The following DNAJB4 variants were observed in gnomAD, a reference collection of about 807,000 sequenced individuals.
DNAJB4 encodes the protein dnaJ homolog subfamily B member 4.
DNAJB4 carries 10 observed loss-of-function variants against 26.6 expected under a neutral mutation model. That is an observed-to-expected ratio of 0.38 (90% CI 0.23 to 0.64). The LOEUF is 0.64. Among genes scored for constraint, DNAJB4 ranks in the 30% least tolerant of loss-of-function variants. The pLI is 0.58. For synonymous variants in DNAJB4, 136 were observed against 134.8 expected (o/e 1.01, Z -0.06); for missense variants, 328 against 408.2 (o/e 0.80, Z 1.69).
In DNAJB4 at chr1:78,016,006, C is replaced by T; in HGVS notation, c.781-8C>T. 6.2e-7 allele frequency: 1 copy of T among 1,606,266 alleles called. No individual in the cohort carries two copies. The highest frequency in any genetic ancestry group is 8.5e-7 in the Non-Finnish European group (1 of 1,175,914). On this transcript the variant is annotated splice_polypyrimidine_tract_variant and splice_region_variant and intron_variant, in intron 2 of 2. Coordinates refer to ENST00000370763, the MANE Select transcript of DNAJB4 (RefSeq NM_007034.5). ...TGTTTTCATTTTATTTTATTTGGTC[C>T]ATTTTAGGCATTGTGTGGCTGCTCA...
chr1:77,987,437 A>T (rs1418295052), intron 1 of DNAJB4, among the ~76,000 whole-genome samples: 1 of 151,784 alleles, frequency 6.6e-6, no homozygotes, highest in Non-Finnish European at 1.5e-5. Context: ...CTAATTTTTA[A>T]ATTTTTTGTA....
At chr1:78,011,640 A>T (rs1307377006) in intron 1 of DNAJB4, among the ~76,000 whole-genome samples, 1 of 151,938 alleles carries the variant, frequency 6.6e-6, no homozygotes, top group Non-Finnish European at 1.5e-5. Context: ...ATGTGCCACC[A>T]TGCCCAGCTA....
At chr1:78,010,604 C>A (rs1055276483) in intron 1 of DNAJB4, among the ~76,000 whole-genome samples, 2 of 152,154 alleles carry the variant, frequency 1.3e-5, no homozygotes, top group African/African-American at 4.8e-5. Flanking sequence ...CTCCAGATTT[C>A]TATTCATGGA....
chr1:78,007,529 C>T (rs796892462), intron 1 of DNAJB4, among the ~76,000 whole-genome samples: 29 of 151,866 alleles, frequency 1.9e-4, no homozygotes, highest in African/African-American at 6.5e-4. Flanking sequence ...TGCAGTGAGC[C>T]GAGATCGAGC....
At chr1:78,001,214 C>T (rs1660184814), upstream of DNAJB4, among the ~76,000 whole-genome samples, 1 of 151,880 alleles carries the variant, frequency 6.6e-6, no homozygotes, top group Admixed American at 6.6e-5. Flanking sequence ...GTTGCATTGG[C>T]CTGTAGTCCC....
chr1:78,016,083 AT>A lies in DNAJB4; in HGVS notation c.852del (p.Ile284MetfsTer2). 2 of 1,614,120 alleles carry A rather than the reference AT, an allele frequency of 1.2e-6. No individual in the cohort carries two copies. The highest frequency in any genetic ancestry group is 1.7e-6 in the Non-Finnish European group (2 of 1,180,014). ...AAACATACCTATGTCAGTAAATGAT[AT>A]TGTGAAACCCGGAATGAGGAGAAGA... Reference protein sequence around the residue: ...GRNIPMSVNDIVKPGMRRRII... With the variant: ...GRNIPMSVNDXVKPGMRRRII... On this transcript the variant is annotated frameshift_variant, in exon 3 of 3. Transcript: ENST00000370763. LOFTEE classifies it high-confidence loss of function.
chr1:78,015,564 T>C (rs1660618330), intron 2 of DNAJB4, among the ~76,000 whole-genome samples: 1 of 148,484 alleles, frequency 6.7e-6, no homozygotes, highest in South Asian at 2.1e-4. Context: ...TTTTTTTTTT[T>C]TTTTGAGACA....
At chr1:77,987,465 A>G (rs1355653590) in intron 1 of DNAJB4, among the ~76,000 whole-genome samples, 3 of 152,120 alleles carry the variant, frequency 2.0e-5, no homozygotes, top group Admixed American at 6.5e-5. Context: ...GGGTCTCGCT[A>G]TGTTGCCTAG....
chr1:77,993,935 A>G (rs762077965), intron 1 of DNAJB4, among the ~76,000 whole-genome samples: 1 of 152,208 alleles, frequency 6.6e-6, no homozygotes, highest in Non-Finnish European at 1.5e-5. Flanking sequence ...ATACTATAGG[A>G]CATACGGGCT....
At position 77,984,085 on chromosome 1, in the gene DNAJB4, A is replaced by G. The variant is rs1029479561; in HGVS notation, c.-32+3763A>G. On this transcript the variant is annotated intron_variant, in intron 1 of 2. Transcript: ENST00000426517. Reference sequence around the variant, plus strand: ...CATAAGCAAACTGAAACCTAATTCAATGTAAACTGTCTTAACCAATCAGAA... The same window carrying G: ...CATAAGCAAACTGAAACCTAATTCAGTGTAAACTGTCTTAACCAATCAGAA... Among the ~76,000 whole-genome samples, 38 of 152,182 alleles carry G rather than the reference A, an allele frequency of 2.5e-4. 1 individual carries two copies. The highest frequency in any genetic ancestry group is 7.0e-4 in the African/African-American group (29 of 41,430).
intron 1 of DNAJB4, among the ~76,000 whole-genome samples, chr1:77,993,815 T>C (rs1659997691): frequency 6.6e-6 from 1 of 152,222 alleles, no homozygotes; most frequent in African/African-American, 2.4e-5. Context: ...AGTTAATTTA[T>C]TTTAGAGATA....
intron 1 of DNAJB4, among the ~76,000 whole-genome samples, chr1:77,988,165 G>T (rs1659845453): frequency 6.6e-6 from 1 of 151,656 alleles, no homozygotes; most frequent in Non-Finnish European, 1.5e-5. Context: ...AGGGTTACAG[G>T]CATGTGCCAC....
intron 2 of DNAJB4, among the ~76,000 whole-genome samples, chr1:78,015,450 CT>C (rs34355321): frequency 0.74 from 84,483 of 114,240 alleles, 30,290 homozygotes; most frequent in Middle Eastern, 0.8. Context: ...TTTTCTTCTT[CT>C]TTTTTTTTTT....
intron 1 of DNAJB4, among the ~76,000 whole-genome samples, chr1:77,984,282 A>G (rs1287888981): frequency 1.3e-5 from 2 of 152,150 alleles, no homozygotes; most frequent in African/African-American, 2.4e-5. Flanking sequence ...GGTCTGTCCT[A>G]TTCATGAATC....
At chr1:78,015,924 GTGGTATTATCCTTTACCATC>G in intron 2 of DNAJB4, 70 bp from the exon 3 acceptor site, 1 of 1,043,846 alleles carries the variant, frequency 9.6e-7, no homozygotes, top group South Asian at 1.6e-5. Context: ...TTTTACCTTA[GTGGTATTATCCTTTACCATC>G]TGGTAAAATT....
intron 1 of DNAJB4, among the ~76,000 whole-genome samples, chr1:77,983,437 G>A (rs1416057774): frequency 6.6e-6 from 1 of 152,150 alleles, no homozygotes; most frequent in African/African-American, 2.4e-5. Flanking sequence ...CGGGCTTGGG[G>A]GCGGTCAGGT....
intron 1 of DNAJB4, among the ~76,000 whole-genome samples, chr1:77,996,262 C>G (rs982123673): frequency 2.0e-5 from 3 of 151,990 alleles, no homozygotes; most frequent in Non-Finnish European, 4.4e-5. Flanking sequence ...CAAGCCATCC[C>G]CCTGCCTGAG....
At chr1:77,996,929 G>T (rs1368548778) in intron 1 of DNAJB4, among the ~76,000 whole-genome samples, 2 of 152,134 alleles carry the variant, frequency 1.3e-5, no homozygotes, top group African/African-American at 4.8e-5. Context: ...TGAGCTCCTG[G>T]TCTCAAGTGA....
upstream of DNAJB4, among the ~76,000 whole-genome samples, chr1:78,002,827 T>C (rs1279174199): frequency 6.6e-6 from 1 of 152,192 alleles, no homozygotes; most frequent in Non-Finnish European, 1.5e-5. Flanking sequence ...CTTATGTGTG[T>C]GTGATATTTA....
Sources: allele counts gnomAD v4.1 joint callset (sites outside exome capture counted in the v4.1 genomes callset), GRCh38; gene constraint gnomAD v4.1.1; transcripts MANE v1.5; gene names NCBI Gene and HGNC (gene_info 2026-07-23, HGNC 2026-07-21).